The following SUGCT variants were observed in gnomAD, a reference collection of about 807,000 sequenced individuals.
The protein encoded by SUGCT is succinyl-CoA:glutarate CoA-transferase.
In SUGCT, 41 loss-of-function variants were observed where a neutral mutation model predicts 55.0. That is an observed-to-expected ratio of 0.74 (90% CI 0.58 to 0.97). SUGCT has a LOEUF of 0.97. SUGCT is among the 50% of genes least tolerant of loss of function. The pLI, the probability that SUGCT is intolerant of heterozygous loss-of-function variation, is 0.00. For missense variants in SUGCT, 568 were observed against 547.8 expected (o/e 1.04, Z -0.37); for synonymous variants, 187 against 200.4 (o/e 0.93, Z 0.56).
the SUGCT span, among the ~76,000 whole-genome samples, chr7:40,899,501 CAG>C: frequency 4.1e-3 from 627 of 152,234 alleles, 31 homozygotes; most frequent in East Asian, 0.11. Context: ...CACGCTGAGA[CAG>C]AAAGCAAGAG....
intron 13 of SUGCT, among the ~76,000 whole-genome samples, chr7:40,832,610 CT>C (rs1343534363): frequency 6.8e-6 from 1 of 146,978 alleles, no homozygotes; most frequent in African/African-American, 2.5e-5. Flanking sequence ...AAAGAATTAG[CT>C]AGAGAGGAAG....
intron 8 of SUGCT, among the ~76,000 whole-genome samples, chr7:40,298,962 G>A (rs914145317): frequency 6.6e-6 from 1 of 152,106 alleles, no homozygotes; most frequent in South Asian, 2.1e-4. Flanking sequence ...GACTTGAAAT[G>A]TATGTTACAG....
intron 9 of SUGCT, among the ~76,000 whole-genome samples, chr7:40,429,276 A>G (rs1279540836): frequency 2.0e-5 from 3 of 152,086 alleles, no homozygotes; most frequent in Non-Finnish European, 4.4e-5. Context: ...TATCCTCTGA[A>G]CTGCATCTCT....
intron 12 of SUGCT, among the ~76,000 whole-genome samples, chr7:40,732,622 G>A (rs1373483936): frequency 6.6e-6 from 1 of 152,126 alleles, no homozygotes; most frequent in Non-Finnish European, 1.5e-5. Context: ...AAAAGATAAA[G>A]CATGGATCTG....
chr7:40,224,424 G>C (rs1262567036), intron 6 of SUGCT, among the ~76,000 whole-genome samples: 3 of 149,404 alleles, frequency 2.0e-5, no homozygotes, highest in African/African-American at 7.7e-5. Context: ...GTGTGTGTGT[G>C]TGTGTGCATG....
intron 6 of SUGCT, among the ~76,000 whole-genome samples, chr7:40,213,530 G>C (rs909783945): frequency 3.3e-5 from 5 of 152,096 alleles, no homozygotes; most frequent in African/African-American, 1.2e-4. Flanking sequence ...GTATCTGCCA[G>C]GTTTCTCCAC....
At chr7:40,342,955 C>T (rs1023734655) in intron 9 of SUGCT, among the ~76,000 whole-genome samples, 6 of 152,160 alleles carry the variant, frequency 3.9e-5, no homozygotes, top group African/African-American at 1.4e-4. Flanking sequence ...TCTCCAATAT[C>T]TTAGAAGTTG....
Position 40,411,342 on chromosome 7 carries a change from G to A in SUGCT, c.817-37945G>A, listed in dbSNP as rs180868047. On this transcript the variant is annotated intron_variant, in intron 9 of 13. Transcript: ENST00000335693. ...TGGGCAGCGGAGGCTGCAGTGAGCCGAGATCGTGCCACTGTGCTCCAGCTT... is the reference window on the plus strand; with the variant it reads ...TGGGCAGCGGAGGCTGCAGTGAGCCAAGATCGTGCCACTGTGCTCCAGCTT... 5.7e-4 allele frequency among the ~76,000 whole-genome samples: 87 copies of A among 152,332 alleles called. No homozygotes were observed. In the Middle Eastern group the frequency reaches 0.014, roughly 24 times the overall value.
At chr7:40,233,449 G>T (rs1788837814) in intron 6 of SUGCT, among the ~76,000 whole-genome samples, 1 of 152,072 alleles carries the variant, frequency 6.6e-6, no homozygotes, top group East Asian at 1.9e-4. Flanking sequence ...TTGAGCTCCT[G>T]ACCTAGTGAT....
the SUGCT span, among the ~76,000 whole-genome samples, chr7:40,993,558 G>C: frequency 6.6e-6 from 1 of 152,322 alleles, no homozygotes; most frequent in South Asian, 2.1e-4. Flanking sequence ...TCACCGCACA[G>C]GAAGCAGCTT....
At chr7:40,221,432 A>G (rs1021577022) in intron 6 of SUGCT, among the ~76,000 whole-genome samples, 1 of 151,224 alleles carries the variant, frequency 6.6e-6, no homozygotes, top group Admixed American at 6.6e-5. Flanking sequence ...AAAAAAATCT[A>G]ATTATAAAAT....
At chr7:40,135,475 A>G (rs1787631624) in intron 1 of SUGCT, among the ~76,000 whole-genome samples, 1 of 152,266 alleles carries the variant, frequency 6.6e-6, no homozygotes, top group African/African-American at 2.4e-5. Flanking sequence ...AAAGGACTTT[A>G]GCCCGCTGCT....
the SUGCT span, among the ~76,000 whole-genome samples, chr7:40,895,892 T>A: frequency 2.0e-5 from 3 of 152,174 alleles, no homozygotes; most frequent in African/African-American, 7.2e-5. Context: ...ACAGCTAATA[T>A]CATTTTTAAT....
At chr7:40,706,070 C>T (rs1472583293) in intron 12 of SUGCT, among the ~76,000 whole-genome samples, 5 of 152,234 alleles carry the variant, frequency 3.3e-5, no homozygotes, top group African/African-American at 1.2e-4. Flanking sequence ...TCAGCATTGT[C>T]TAGTATTTAT....
intron 1 of SUGCT, among the ~76,000 whole-genome samples, chr7:40,171,626 G>A (rs1784676229): frequency 6.6e-6 from 1 of 152,188 alleles, no homozygotes; most frequent in African/African-American, 2.4e-5. Flanking sequence ...TTTGAATTAG[G>A]ATAATTCTGA....
chr7:40,506,758 A>T (rs576657002), intron 12 of SUGCT, among the ~76,000 whole-genome samples: 226 of 151,982 alleles, frequency 1.5e-3, no homozygotes, highest in African/African-American at 5.0e-3. Context: ...GCTTATCTCT[A>T]TTAATCTATC....
intron 12 of SUGCT, among the ~76,000 whole-genome samples, chr7:40,725,870 T>A (rs917132779): frequency 1.3e-5 from 2 of 152,130 alleles, no homozygotes; most frequent in South Asian, 4.1e-4. Context: ...GATTTTTTTT[T>A]AGACAAGGGA....
At chr7:40,784,536 T>G (rs1298797551) in intron 13 of SUGCT, among the ~76,000 whole-genome samples, 1 of 152,204 alleles carries the variant, frequency 6.6e-6, no homozygotes, top group Non-Finnish European at 1.5e-5. Context: ...TTAATACACG[T>G]GAATTCTTGA....
chr7:40,750,648 A>T (rs1787961954), intron 13 of SUGCT, among the ~76,000 whole-genome samples: 1 of 152,174 alleles, frequency 6.6e-6, no homozygotes, highest in South Asian at 2.1e-4. Flanking sequence ...CGCGCATGAA[A>T]AGAGTAAGAA....
Sources: gnomAD v4.1 joint callset for allele counts (sites outside exome capture counted in the v4.1 genomes callset) on GRCh38, gnomAD v4.1.1 for gene constraint, MANE v1.5 for transcripts, NCBI Gene and HGNC (gene_info 2026-07-23, HGNC 2026-07-21) for gene names.